Variants in NEGR1 observed in about 807,000 individuals in gnomAD.
The protein encoded by NEGR1 is neuronal growth regulator 1.
A neutral mutation model predicts 40.9 loss-of-function variants in NEGR1; 10 were observed. The ratio of observed to expected loss-of-function variants is 0.24; its 90% CI spans 0.15 to 0.42. NEGR1 has a LOEUF of 0.42. NEGR1 is among the 10% of genes least tolerant of loss of function. NEGR1 has a pLI of 1.00. For synonymous variants in NEGR1, 185 were observed against 166.8 expected, an observed-to-expected ratio of 1.11 and a Z score of -0.84; for missense variants, 352 against 438.9, an observed-to-expected ratio of 0.80 and a Z score of 1.77.
chr1:72,132,103 C>CAATAA (rs1257677212), intron 1 of NEGR1, among the ~76,000 whole-genome samples: 4 of 151,850 alleles, frequency 2.6e-5, no homozygotes, highest in African/African-American at 4.8e-5. Context: ...TGTCTCAAAA[C>CAATAA]AATAAAATAA....
intron 6 of NEGR1, among the ~76,000 whole-genome samples, chr1:71,411,517 T>C (rs1218586691): frequency 6.6e-6 from 1 of 152,204 alleles, no homozygotes; most frequent in Non-Finnish European, 1.5e-5. Context: ...TGCCTTTCAA[T>C]ATCATGCTGC....
intron 1 of NEGR1, among the ~76,000 whole-genome samples, chr1:72,281,665 T>TA (rs1358447090): frequency 6.6e-6 from 1 of 151,200 alleles, no homozygotes; most frequent in Non-Finnish European, 1.5e-5. Context: ...GAACAGAAAT[T>TA]AGAGTCGTGG....
intron 1 of NEGR1, among the ~76,000 whole-genome samples, chr1:72,202,349 GT>G (rs1366187333): frequency 6.6e-6 from 1 of 151,806 alleles, no homozygotes. Context: ...GCCTCTGAGT[GT>G]TAAAGTAAAA....
intron 6 of NEGR1, among the ~76,000 whole-genome samples, chr1:71,548,264 G>C (rs1647966032): frequency 6.6e-6 from 1 of 151,652 alleles, no homozygotes; most frequent in African/African-American, 2.4e-5. Context: ...TTATTTTCTG[G>C]AGATGGGGCT....
chr1:71,507,955 C>T (rs1412740834), intron 6 of NEGR1, among the ~76,000 whole-genome samples: 1 of 152,110 alleles, frequency 6.6e-6, no homozygotes, highest in Non-Finnish European at 1.5e-5. Context: ...AGCCACCTTC[C>T]CCGCTAAAGA....
intron 2 of NEGR1, among the ~76,000 whole-genome samples, chr1:71,854,641 G>C (rs1363943973): frequency 3.3e-5 from 5 of 152,002 alleles, no homozygotes; most frequent in African/African-American, 1.2e-4. Context: ...TGGTGGTGGG[G>C]GCGACCTCAG....
intron 6 of NEGR1, among the ~76,000 whole-genome samples, chr1:71,450,525 G>T (rs1646619265): frequency 1.3e-5 from 2 of 151,812 alleles, no homozygotes; most frequent in Admixed American, 6.6e-5. Flanking sequence ...GGGTAACTTT[G>T]GCTGGGCATG....
chr1:71,448,717 C>T (rs866062407), intron 6 of NEGR1, among the ~76,000 whole-genome samples: 12 of 152,210 alleles, frequency 7.9e-5, no homozygotes, highest in African/African-American at 2.6e-4. Context: ...GGAAGGCTGA[C>T]CACAAACACA....
At chr1:72,171,253 A>ATAT (rs1479632781) in intron 1 of NEGR1, among the ~76,000 whole-genome samples, 2 of 152,192 alleles carry the variant, frequency 1.3e-5, no homozygotes, top group Non-Finnish European at 2.9e-5. Flanking sequence ...GTAGCTATAA[A>ATAT]TATTACTAGA....
At chr1:71,570,742 T>C (rs1306335937) in intron 6 of NEGR1, among the ~76,000 whole-genome samples, 1 of 152,028 alleles carries the variant, frequency 6.6e-6, no homozygotes, top group Admixed American at 6.6e-5. Flanking sequence ...CATGAAGGCA[T>C]ACCAATTAAA....
intron 1 of NEGR1, among the ~76,000 whole-genome samples, chr1:71,959,287 T>G (rs1646144179): frequency 6.6e-6 from 1 of 152,160 alleles, no homozygotes; most frequent in South Asian, 2.1e-4. Flanking sequence ...ACCAAATTTG[T>G]TTAACACTGG....
chr1:71,427,422 A>T (rs1372178289), intron 6 of NEGR1, among the ~76,000 whole-genome samples: 1 of 152,206 alleles, frequency 6.6e-6, no homozygotes, highest in Admixed American at 6.5e-5. Context: ...GTACACTCCA[A>T]TCTATTTGGA....
intron 3 of NEGR1, among the ~76,000 whole-genome samples, chr1:71,699,797 C>T (rs192898802): frequency 2.8e-4 from 43 of 151,890 alleles, no homozygotes; most frequent in East Asian, 1.2e-3. Context: ...AGGGACCTAG[C>T]GGGTAATTAA....
intron 2 of NEGR1, among the ~76,000 whole-genome samples, chr1:71,796,933 G>A (rs1657350989): frequency 6.6e-6 from 1 of 152,020 alleles, no homozygotes; most frequent in African/African-American, 2.4e-5. Context: ...GATTACTAGG[G>A]GCTTAACGGT....
intron 5 of NEGR1, among the ~76,000 whole-genome samples, chr1:71,602,067 A>G (rs536495996): frequency 2.6e-5 from 4 of 152,204 alleles, no homozygotes; most frequent in Admixed American, 2.6e-4. Context: ...TCTGGAATCC[A>G]GTCCAAATGC....
At chr1:71,537,256 T>A (rs1019711128) in intron 6 of NEGR1, among the ~76,000 whole-genome samples, 1 of 151,658 alleles carries the variant, frequency 6.6e-6, no homozygotes, top group Non-Finnish European at 1.5e-5. Context: ...TAGTCACACA[T>A]GTAATAAGGA....
At chr1:71,904,641 G>A (rs1661229008) in intron 2 of NEGR1, among the ~76,000 whole-genome samples, 1 of 152,058 alleles carries the variant, frequency 6.6e-6, no homozygotes, top group African/African-American at 2.4e-5. Flanking sequence ...ATTCAAACTA[G>A]AATTTGCATA....
intron 3 of NEGR1, among the ~76,000 whole-genome samples, chr1:71,698,983 A>T (rs1036968267): frequency 7.2e-5 from 11 of 151,836 alleles, no homozygotes; most frequent in African/African-American, 2.7e-4. Context: ...AGTGTGGCAA[A>T]GGTAGAATAA....
intron 2 of NEGR1, among the ~76,000 whole-genome samples, chr1:71,919,995 C>T (rs1645688943): frequency 2.6e-5 from 4 of 152,106 alleles, no homozygotes; most frequent in Admixed American, 2.0e-4. Context: ...TGCTTAAGCT[C>T]TCTGCAGCTG....
Sources: gnomAD v4.1 joint callset for allele counts (sites outside exome capture counted in the v4.1 genomes callset) on GRCh38, gnomAD v4.1.1 for gene constraint, MANE v1.5 for transcripts, NCBI Gene and HGNC (gene_info 2026-07-23, HGNC 2026-07-21) for gene names.